Variants in TNIK observed in about 807,000 individuals in gnomAD.
TNIK encodes TRAF2 and NCK-interacting protein kinase.
A neutral mutation model predicts 191.3 loss-of-function variants in TNIK; 49 were observed. The observed-to-expected ratio is 0.26, with a 90% confidence interval of 0.20 to 0.32. The LOEUF (loss-of-function observed/expected upper bound fraction) is 0.32. Among genes scored for constraint, TNIK ranks in the 10% least tolerant of loss-of-function variants. The pLI, the probability that TNIK is intolerant of heterozygous loss-of-function variation, is 1.00. For synonymous variants in TNIK, 594 were observed against 600.9 expected, an observed-to-expected ratio of 0.99 and a Z score of 0.17; for missense variants, 1,155 against 1,702.3, an observed-to-expected ratio of 0.68 and a Z score of 5.66.
intron 2 of TNIK, among the ~76,000 whole-genome samples, chr3:171,316,409 A>AGAG (rs1754603908): frequency 6.6e-6 from 1 of 152,156 alleles, no homozygotes; most frequent in Non-Finnish European, 1.5e-5. Context: ...GTTTCATGAA[A>AGAG]GAGGAGGCAT....
intron 22 of TNIK, among the ~76,000 whole-genome samples, chr3:171,096,005 AT>A (rs768852694): frequency 6.0e-5 from 9 of 151,134 alleles, no homozygotes; most frequent in Non-Finnish European, 1.0e-4. Flanking sequence ...TGTATCTTCC[AT>A]TTTTTTTTCT....
intron 2 of TNIK, among the ~76,000 whole-genome samples, chr3:171,303,847 C>G (rs2108277937): frequency 6.6e-6 from 1 of 152,222 alleles, no homozygotes; most frequent in South Asian, 2.1e-4. Context: ...AGCCTATGGT[C>G]CTATCCTCAG....
At chr3:171,139,635 A>G in intron 13 of TNIK, 79 bp from the exon 14 acceptor site, 1 of 1,391,562 alleles carries the variant, frequency 7.2e-7, no homozygotes, top group Non-Finnish European at 1.0e-6. Context: ...AGGCGACAAG[A>G]GCCGCTAAGT....
intron 7 of TNIK, among the ~76,000 whole-genome samples, chr3:171,187,252 T>C (rs1443147063): frequency 3.3e-5 from 5 of 152,206 alleles, no homozygotes; most frequent in African/African-American, 2.4e-5. Flanking sequence ...TGAAGGGATT[T>C]GCAAACAGAA....
chr3:171,288,072 A>C (rs938140538), intron 2 of TNIK, among the ~76,000 whole-genome samples: 1 of 149,656 alleles, frequency 6.7e-6, no homozygotes, highest in Non-Finnish European at 1.5e-5. Context: ...GCAAGAACAA[A>C]AAACCAAACA....
intron 13 of TNIK, 48 bp downstream of exon 13, chr3:171,140,351 C>A: frequency 6.8e-7 from 1 of 1,468,758 alleles, no homozygotes; most frequent in Non-Finnish European, 9.1e-7. Flanking sequence ...AAGGCTGGTG[C>A]TGGGGTCCCC....
Position 171,066,497 on chromosome 3 carries a change from A to G in TNIK, c.3859+79T>C, listed in dbSNP as rs778001481. 2.0e-5 allele frequency: 31 copies of G among 1,559,418 alleles called. No homozygotes were observed. The Admixed American group carries it at 2.5e-4, about 12-fold the overall frequency. On this transcript the variant is annotated intron_variant, in intron 31 of 32. Coordinates refer to ENST00000436636, the MANE Select transcript of TNIK (RefSeq NM_015028.4). ...TTTTTTTTTTTTTTTGTGGAATCAA[A>G]TGGTTGTTTCACATTTCTTGATTTT... is the stretch of plus-strand genomic sequence containing the variant.
rs1018077900 is a variant in TNIK at position 171,092,479 on chromosome 3, G to C, written c.2721+1360C>G. 5.3e-5 allele frequency among the ~76,000 whole-genome samples: 8 copies of C among 152,258 alleles called. 1 individual carries two copies. Among genetic ancestry groups the C allele is most frequent in the Admixed American group, 4.6e-4 (7 of 15,296 alleles). ...CTCACTCCAGAACGTTCTCCCTCAT[G>C]TTTTCCTAAGTGGTAAGTTATAGGG... On this transcript the variant is annotated intron_variant, in intron 23 of 32. Coordinates refer to ENST00000436636, the MANE Select transcript of TNIK (RefSeq NM_015028.4).
chr3:171,426,196 A>G, intron 1 of TNIK, among the ~76,000 whole-genome samples: 1 of 152,020 alleles, frequency 6.6e-6, no homozygotes, highest in Non-Finnish European at 1.5e-5. Context: ...AAAATGTGGC[A>G]CATATACACC....
In TNIK at chr3:171,434,826, C is replaced by T. The variant is rs73048567; in HGVS notation, c.57+25181G>A. Reference sequence around the variant, plus strand: ...TATTCAATGGCTAACATTTCCATTACATTATATATTATTATTGGTTATTAT... The same window carrying T: ...TATTCAATGGCTAACATTTCCATTATATTATATATTATTATTGGTTATTAT... On this transcript the variant is annotated intron_variant, in intron 1 of 32. Coordinates refer to ENST00000436636, the MANE Select transcript of TNIK (RefSeq NM_015028.4). 7.4e-3 allele frequency among the ~76,000 whole-genome samples: 1,120 copies of T among 152,170 alleles called. 11 individuals are homozygous for T. Among genetic ancestry groups the T allele is most frequent in the African/African-American group, 0.025 (1,050 of 41,520 alleles).
rs115401453 is a variant in TNIK, at chr3:171,247,575, C to T, written c.124-19354G>A. On this transcript the variant is annotated intron_variant, in intron 2 of 32. Transcript: ENST00000436636. ...ATCCAGACAGATGTGTCCATTAGTC[C>T]AGTGGAGAAGACTGGGCTTCAGGAG... is the stretch of plus-strand genomic sequence containing the variant. Among the ~76,000 whole-genome samples the T allele has an allele frequency of 4.1e-3, 630 of 152,162 alleles. 4 individuals are homozygous for T. The highest frequency in any genetic ancestry group is 0.015 in the African/African-American group (604 of 41,488).
intron 1 of TNIK, among the ~76,000 whole-genome samples, chr3:171,434,587 A>G (rs183017992): frequency 7.8e-4 from 118 of 152,218 alleles, no homozygotes; most frequent in Middle Eastern, 3.4e-3. Context: ...CCTCCTGAGA[A>G]GCTAAGACTA....
chr3:171,171,575 T>G (rs1735286176), intron 9 of TNIK, among the ~76,000 whole-genome samples: 2 of 152,226 alleles, frequency 1.3e-5, no homozygotes, highest in Admixed American at 1.3e-4. Context: ...AACTGAGTGC[T>G]GCTTTGCCTG....
At chr3:171,138,961 A>C (rs1576933560) in intron 14 of TNIK, among the ~76,000 whole-genome samples, 1 of 152,324 alleles carries the variant, frequency 6.6e-6, no homozygotes, top group East Asian at 1.9e-4. Flanking sequence ...TAATAATAAA[A>C]AAGTACTGTA....
chr3:171,460,384 T>TGGC lies in TNIK; in HGVS notation c.-324_-322dup. The TGGC allele has an allele frequency of 2.3e-6, 1 of 437,002 alleles. No homozygotes were observed. Among genetic ancestry groups the TGGC allele is most frequent in the Admixed American group, 3.8e-5 (1 of 26,156 alleles). The allele number at this position is 437,002 out of a possible 1,614,324, so 27.1% of individuals were successfully genotyped here. ...ACATGCTTCTTTGCTTGTGCGTGGA[T>TGGC]GGCGGCTGCATTGGCTGTTATAATG... On this transcript the variant is annotated 5_prime_UTR_variant, in exon 1 of 33. Transcript: ENST00000436636. This position sits in a 1 kb window ranked among gnomAD's most constrained non-coding sequence, Gnocchi z 6.8.
At chr3:171,198,076 T>C (rs866604350) in intron 4 of TNIK, among the ~76,000 whole-genome samples, 6 of 152,306 alleles carry the variant, frequency 3.9e-5, no homozygotes, top group Middle Eastern at 3.4e-3. Context: ...TAAAATATTA[T>C]TCAGCCATGG....
intron 2 of TNIK, among the ~76,000 whole-genome samples, chr3:171,323,998 A>G (rs773424542): frequency 3.1e-4 from 47 of 152,292 alleles, no homozygotes; most frequent in Non-Finnish European, 5.9e-5. Context: ...GAAACTGCCA[A>G]TCCCTACAGT....
At chr3:171,116,722 T>TTTTCC (rs1726760173) in intron 18 of TNIK, among the ~76,000 whole-genome samples, 1 of 151,950 alleles carries the variant, frequency 6.6e-6, no homozygotes, top group African/African-American at 2.4e-5. Context: ...AATTTGAATC[T>TTTTCC]TATTCAGAAT....
chr3:171,439,685 A>G (rs556827594), intron 1 of TNIK: 1 of 152,338 alleles, frequency 6.6e-6, no homozygotes, highest in African/African-American at 2.4e-5. Context: ...TGTCAGGTAC[A>G]TCCACATGTT....
Sources: gnomAD v4.1 joint callset for allele counts (sites outside exome capture counted in the v4.1 genomes callset) on GRCh38, gnomAD v4.1.1 for gene constraint, Gnocchi (gnomAD v3.1) non-coding constraint, MANE v1.5 for transcripts, NCBI Gene and HGNC (gene_info 2026-07-23, HGNC 2026-07-21) for gene names.